CDKL2: variants seen among roughly 807,000 people sequenced by gnomAD.
CDKL2 encodes cyclin dependent kinase like 2, also known as cyclin-dependent kinase-like 2.
In CDKL2, 64 loss-of-function variants were observed where a neutral mutation model predicts 63.9. That is an observed-to-expected ratio of 1.00 (90% confidence interval 0.82 to 1.23). The LOEUF is 1.23. Ranked by LOEUF, CDKL2 falls within the 50% of genes most tolerant of loss-of-function variation. CDKL2 has a pLI of 0.00. For missense variants in CDKL2, 656 were observed against 668.0 expected (o/e 0.98, Z 0.20); for synonymous variants, 211 against 229.2 (o/e 0.92, Z 0.72).
chr4:75,611,096 A>G (rs1002079733), intron 3 of CDKL2, among the ~76,000 whole-genome samples: 4 of 152,160 alleles, frequency 2.6e-5, no homozygotes, highest in Non-Finnish European at 5.9e-5. Context: ...GGCTGGGAGT[A>G]AGGATTGGAG....
chr4:75,622,502 C>A (rs377237539), intron 2 of CDKL2, among the ~76,000 whole-genome samples: 2 of 151,660 alleles, frequency 1.3e-5, no homozygotes, highest in African/African-American at 4.8e-5. Context: ...GGCTGGATCA[C>A]GAGGTCAGGA....
chr4:75,615,815 C>A (rs549936365), intron 2 of CDKL2, among the ~76,000 whole-genome samples: 1 of 151,798 alleles, frequency 6.6e-6, no homozygotes, highest in African/African-American at 2.4e-5. Context: ...CATGGTGAGA[C>A]CCCATCTCTA....
Position 75,603,827 on chromosome 4 carries a change from T to C in CDKL2, c.785A>G (p.Asp262Gly), listed in dbSNP as rs907544013. The C allele has an allele frequency of 2.5e-6, 4 of 1,581,582 alleles. No individual in the cohort carries two copies. Among genetic ancestry groups the C allele is most frequent in the Middle Eastern group, 1.7e-4 (1 of 5,894 alleles). The change falls in exon 6 of 14, where the codon GAT (aspartate) becomes GGT (glycine). Residue 262 changes from aspartate (D) to glycine (G), a missense_variant. Coordinates refer to ENST00000307465, the MANE Select transcript of CDKL2 (RefSeq NM_001330724.2). ...RYPKLSEVVIDLAKKCLHIDP... is the reference protein window; with the variant it reads ...RYPKLSEVVIGLAKKCLHIDP... ...AATAAGTATGATTACCTTTGCTAAA[T>C]CTATCACCACTTCAGAGAGCTTAGG...
chr4:75,598,090 GT>G lies in CDKL2; in HGVS notation c.1006del (p.Thr336HisfsTer21). 6.6e-7 allele frequency: 1 copy of G among 1,521,284 alleles called. No homozygotes were observed. The highest frequency in any genetic ancestry group is 8.9e-7 in the Non-Finnish European group (1 of 1,123,296). The allele number at this position is 1,521,284 out of a possible 1,614,324, so 94.2% of individuals were successfully genotyped here. ...KDDSLVEERK[T>X]LVVQDTNADP... is the part of the protein sequence containing the mutation. ...ATGAACATTTACCTGTACCACAAGTGTTTTTCTTTCTTCAACTAAGGAATCA... is the reference window on the plus strand; with the variant it reads ...ATGAACATTTACCTGTACCACAAGTGTTTTCTTTCTTCAACTAAGGAATCA... On this transcript the variant is annotated frameshift_variant, in exon 8 of 14. Coordinates refer to ENST00000307465, the MANE Select transcript of CDKL2 (RefSeq NM_001330724.2). LOFTEE classifies it high-confidence loss of function.
chr4:75,592,030 G>C, intron 11 of CDKL2, 105 bp from the exon 12 acceptor site: 1 of 1,258,664 alleles, frequency 7.9e-7, no homozygotes, highest in South Asian at 1.5e-5. Flanking sequence ...ATTATAACAG[G>C]TATTTACATA....
intron 10 of CDKL2, among the ~76,000 whole-genome samples, chr4:75,592,728 G>T (rs534345313): frequency 6.6e-6 from 1 of 151,902 alleles, no homozygotes; most frequent in African/African-American, 2.4e-5. Context: ...ATATAATTTT[G>T]TTGTTCATTT....
rs773228735 is a variant in CDKL2 at position 75,625,972 on chromosome 4, T to C, written c.17A>G (p.Asn6Ser). 1.5e-5 allele frequency: 24 copies of C among 1,605,938 alleles called. No individual in the cohort carries two copies. Among genetic ancestry groups the C allele is most frequent in the Non-Finnish European group, 1.5e-5 (18 of 1,178,248 alleles). The change falls in exon 2 of 14, where the codon AAC becomes AGC. Residue 6 changes from asparagine to serine, a missense_variant. By Grantham distance (46) the Asn-to-Ser change is conservative (BLOSUM62 1). Coordinates refer to ENST00000307465, the MANE Select transcript of CDKL2 (RefSeq NM_001330724.2). ...ACTCCCTTCTCCAACCAAACCCAGGTTTTCATATTTTTCCATTTTAATTTA... is the reference window on the plus strand; with the variant it reads ...ACTCCCTTCTCCAACCAAACCCAGGCTTTCATATTTTTCCATTTTAATTTA... MEKYE[N>S]LGLVGEGSYG...
At position 75,600,316 on chromosome 4, in the gene CDKL2, G is replaced by T. The variant is rs941057350; in HGVS notation, c.849C>A (p.His283Gln). 13 of 1,613,622 alleles carry T rather than the reference G, an allele frequency of 8.1e-6. No homozygotes were observed. The highest frequency in any genetic ancestry group is 1.1e-5 in the Non-Finnish European group (13 of 1,179,662). Reference sequence around the variant, plus strand: ...ATCCATCCATTTGAAAGAAATCATGGTGTAGGAGCTCAGCACAGAAGGGTC... The same window carrying T: ...ATCCATCCATTTGAAAGAAATCATGTTGTAGGAGCTCAGCACAGAAGGGTC... ...DKRPFCAELL[H>Q]HDFFQMDGFA... The change falls in exon 7 of 14, where the codon CAC (histidine) becomes CAA (glutamine). Residue 283 changes from histidine to glutamine, a missense_variant. Transcript: ENST00000307465.
At chr4:75,596,418 G>A in intron 9 of CDKL2, 78 bp from the exon 10 acceptor site, 7 of 810,516 alleles carry the variant, frequency 8.6e-6, no homozygotes, top group South Asian at 5.7e-5. Flanking sequence ...AAATGACACA[G>A]CACCAACTAA....
chr4:75,623,471 A>G (rs1730262648), intron 2 of CDKL2, among the ~76,000 whole-genome samples: 1 of 152,248 alleles, frequency 6.6e-6, no homozygotes, highest in African/African-American at 2.4e-5. Flanking sequence ...CCATAAGGGA[A>G]AAGTCATAAG....
At chr4:75,602,942 G>A (rs1223702911) in intron 6 of CDKL2, among the ~76,000 whole-genome samples, 1 of 151,162 alleles carries the variant, frequency 6.6e-6, no homozygotes, top group Non-Finnish European at 1.5e-5. Flanking sequence ...TTTTCAGTGA[G>A]GATGTTTTCA....
At chr4:75,628,580 C>T (rs1349505751) in intron 1 of CDKL2, among the ~76,000 whole-genome samples, 1 of 152,044 alleles carries the variant, frequency 6.6e-6, no homozygotes, top group Non-Finnish European at 1.5e-5. Context: ...TTTTAACTAT[C>T]TATTATTTCA....
chr4:75,628,158 CA>C (rs1730517876), intron 1 of CDKL2, among the ~76,000 whole-genome samples: 1 of 150,794 alleles, frequency 6.6e-6, no homozygotes, highest in African/African-American at 2.4e-5. Context: ...CTCTGTCGCC[CA>C]GGCTGGAGTG....
At chr4:75,597,613 G>A (rs1317210258) in intron 8 of CDKL2, among the ~76,000 whole-genome samples, 3 of 152,200 alleles carry the variant, frequency 2.0e-5, no homozygotes, top group Admixed American at 6.5e-5. Context: ...AAGTGGATTG[G>A]TGGTGGATTT....
chr4:75,607,175 T>A lies in CDKL2; in HGVS notation c.542+8A>T, dbSNP rs1051868361. 3.1e-6 allele frequency: 5 copies of A among 1,600,748 alleles called. No homozygotes were observed. The Admixed American group carries it at 6.8e-5, about 22-fold the overall frequency. Reference sequence around the variant, plus strand: ...AAAATCTACTCCTCCCCATTACTGATGTCTTACTTGCCATACTTGACATCA... The same window carrying A: ...AAAATCTACTCCTCCCCATTACTGAAGTCTTACTTGCCATACTTGACATCA... On this transcript the variant is annotated splice_region_variant and intron_variant, in intron 4 of 13. Coordinates refer to ENST00000307465, the MANE Select transcript of CDKL2 (RefSeq NM_001330724.2).
intron 3 of CDKL2, among the ~76,000 whole-genome samples, chr4:75,611,797 G>A (rs1440818681): frequency 3.3e-5 from 5 of 151,654 alleles, no homozygotes; most frequent in Non-Finnish European, 5.9e-5. Context: ...TGGGATTACA[G>A]GCATGTGCCA....
At chr4:75,603,450 G>A (rs577681519) in intron 6 of CDKL2, among the ~76,000 whole-genome samples, 3 of 151,168 alleles carry the variant, frequency 2.0e-5, no homozygotes, top group Admixed American at 2.0e-4. Context: ...TCAACTAGAG[G>A]CCAGGGCTGG....
intron 12 of CDKL2, among the ~76,000 whole-genome samples, chr4:75,583,900 A>G (rs1320993173): frequency 1.3e-5 from 2 of 152,226 alleles, no homozygotes; most frequent in African/African-American, 2.4e-5. Context: ...AAAACAGAGG[A>G]GCAAACAGAA....
In CDKL2 at chr4:75,607,171, C is replaced by A; in HGVS notation, c.542+12G>T. 5 of 1,597,180 alleles carry A rather than the reference C, an allele frequency of 3.1e-6. No homozygotes were observed. The highest frequency in any genetic ancestry group is 4.3e-6 in the Non-Finnish European group (5 of 1,168,556). ...AGTAAAAATCTACTCCTCCCCATTA[C>A]TGATGTCTTACTTGCCATACTTGAC... On this transcript the variant is annotated intron_variant, in intron 4 of 13. Transcript: ENST00000307465.
Sources: gnomAD v4.1 joint callset for allele counts (sites outside exome capture counted in the v4.1 genomes callset) on GRCh38, gnomAD v4.1.1 for gene constraint, MANE v1.5 for transcripts, NCBI Gene and HGNC (gene_info 2026-07-23, HGNC 2026-07-21) for gene names.